MYZAP: variants seen among roughly 807,000 people sequenced by gnomAD.
MYZAP encodes the protein GRINL1A complex locus upstream.
In MYZAP, 66 loss-of-function variants were observed where a neutral mutation model predicts 69.4. The observed-to-expected ratio is 0.95, with a 90% CI of 0.78 to 1.17. MYZAP has a LOEUF of 1.17. MYZAP is among the 50% of genes most tolerant of loss of function. MYZAP has a pLI of 0.00. For synonymous variants in MYZAP, 256 were observed against 205.9 expected (o/e 1.24, Z -2.09); for missense variants, 611 against 556.2 (o/e 1.10, Z -0.99).
At chr15:57,624,019 T>C (rs1449828581) in intron 4 of MYZAP, among the ~76,000 whole-genome samples, 2 of 152,176 alleles carry the variant, frequency 1.3e-5, no homozygotes, top group Non-Finnish European at 2.9e-5. Context: ...CTGTTTCTAA[T>C]TGGGAGGCAG....
intron 12 of MYZAP, among the ~76,000 whole-genome samples, chr15:57,677,748 G>C (rs2140648426): frequency 6.6e-6 from 1 of 152,282 alleles, no homozygotes; most frequent in Non-Finnish European, 1.5e-5. Context: ...GGAGGCTCAG[G>C]CTGTCCAGTT....
At chr15:57,637,629 C>T in intron 8 of MYZAP, 66 bp from the exon 9 acceptor site, 1 of 1,559,202 alleles carries the variant, frequency 6.4e-7, no homozygotes, top group Non-Finnish European at 8.7e-7. Context: ...GCTAGAATTG[C>T]TAAATAGACA....
In MYZAP at chr15:57,633,645, A is replaced by G. The variant is rs948560675; in HGVS notation, c.837A>G (p.Glu279=). The change falls in exon 8 of 13, where the codon GAA becomes GAG. Residue 279 remains glutamate, a synonymous_variant. Coordinates refer to ENST00000267853, the MANE Select transcript of MYZAP (RefSeq NM_001018100.5). ...CCAATAGTTTTCTGAAAGCGATTGA[A>G]GAAGCCAATAAAAAGATGCAAGCAG... ...EETNSFLKAI[E]EANKKMQAAE... 1 of 1,613,454 alleles carries G rather than the reference A, an allele frequency of 6.2e-7. No individual in the cohort carries two copies. Among genetic ancestry groups the G allele is most frequent in the South Asian group, 1.1e-5 (1 of 90,832 alleles).
Position 57,661,466 on chromosome 15 carries a change from A to C in MYZAP, c.1136A>C (p.Lys379Thr). The C allele has an allele frequency of 6.2e-7, 1 of 1,608,358 alleles. No homozygotes were observed. Among genetic ancestry groups the C allele is most frequent in the African/African-American group, 1.3e-5 (1 of 74,830 alleles). Residue 379 changes from lysine (K) to threonine (T), a missense_variant, in exon 11 of 13, where the codon AAA becomes ACA. Coordinates refer to ENST00000267853, the MANE Select transcript of MYZAP (RefSeq NM_001018100.5). Reference sequence around the variant, plus strand: ...TCTTTCTAGATTGAATCATTAAAGAAAAAGTTGCAACAGAAACAGCTCTTA... The same window carrying C: ...TCTTTCTAGATTGAATCATTAAAGACAAAGTTGCAACAGAAACAGCTCTTA... ...QMVEEIESLK[K>T]KLQQKQLLIL...
intron 12 of MYZAP, among the ~76,000 whole-genome samples, chr15:57,675,416 G>C (rs1351629969): frequency 6.6e-6 from 1 of 152,096 alleles, no homozygotes; most frequent in Non-Finnish European, 1.5e-5. Context: ...GTGAGATTTG[G>C]TTCCTGCCCC....
At chr15:57,647,738 TGGCCCTGGCCCTGGGTCCTA>T in intron 10 of MYZAP, 1 of 985,442 alleles carries the variant, frequency 1.0e-6, no homozygotes, top group African/African-American at 1.7e-5. Flanking sequence ...CTCCTGCACT[TGGCCCTGGCCCTGGGTCCTA>T]GGCTCATTGT....
intron 11 of MYZAP, among the ~76,000 whole-genome samples, chr15:57,674,134 G>A (rs1301746573): frequency 6.6e-6 from 1 of 151,180 alleles, no homozygotes; most frequent in East Asian, 1.9e-4. Context: ...ACTTCTTTCT[G>A]AATATTTTTT....
At chr15:57,626,296 C>G (rs2036129802) in intron 5 of MYZAP, among the ~76,000 whole-genome samples, 3 of 152,092 alleles carry the variant, frequency 2.0e-5, no homozygotes, top group South Asian at 2.1e-4. Flanking sequence ...TCCTTCATGG[C>G]AAGCAATATA....
chr15:57,592,055 G>A lies in MYZAP; in HGVS notation c.21G>A (p.Thr7=). The A allele has an allele frequency of 7.0e-7, 1 of 1,423,234 alleles. No homozygotes were observed. 88.2% of individuals were successfully genotyped at this position (1,423,234 alleles called of 1,614,324 possible). A position where few individuals can be genotyped will look rare whatever the true frequency, so the allele number is the denominator to read the frequency against. ...GCGGGATGCTGCGCTCCACGTCCAC[G>A]GTCACCCTGCTCTCGGGCGGCGCCG... MLRSTS[T]VTLLSGGAAR... The change falls in exon 1 of 13, where the codon ACG becomes ACA. Residue 7 remains threonine, a synonymous_variant. Transcript: ENST00000267853.
chr15:57,681,030 C>T (rs2039407850), intron 12 of MYZAP, among the ~76,000 whole-genome samples: 1 of 152,152 alleles, frequency 6.6e-6, no homozygotes, highest in South Asian at 2.1e-4. Context: ...TAGTGATCAA[C>T]AAAATAAAAT....
chr15:57,618,974 G>T (rs954956072), intron 3 of MYZAP, among the ~76,000 whole-genome samples: 5 of 152,112 alleles, frequency 3.3e-5, no homozygotes, highest in East Asian at 1.9e-4. Context: ...GTCAACCTAG[G>T]CCTGTGAGCT....
chr15:57,638,570 TG>T (rs1171602007), intron 9 of MYZAP, among the ~76,000 whole-genome samples: 1 of 152,160 alleles, frequency 6.6e-6, no homozygotes, highest in African/African-American at 2.4e-5. Flanking sequence ...GAGGCAGAGA[TG>T]GGGCACGGGA....
intron 1 of MYZAP, chr15:57,599,372 T>G: frequency 1.5e-6 from 1 of 675,644 alleles, no homozygotes; most frequent in Non-Finnish European, 1.8e-6. Flanking sequence ...TTTTTTGCCA[T>G]CGTCGTACCC....
intron 10 of MYZAP, among the ~76,000 whole-genome samples, chr15:57,643,479 T>C (rs1286566481): frequency 6.6e-6 from 1 of 152,186 alleles, no homozygotes; most frequent in Admixed American, 6.5e-5. Context: ...TAAGAGAGCA[T>C]CCTGAGGCCC....
intron 11 of MYZAP, among the ~76,000 whole-genome samples, chr15:57,668,915 G>T (rs1861679437): frequency 6.9e-6 from 1 of 144,350 alleles, no homozygotes; most frequent in Admixed American, 6.9e-5. Flanking sequence ...TTTGCAATGG[G>T]GTCTTGCACA....
chr15:57,626,368 A>C (rs2036135338), intron 5 of MYZAP, among the ~76,000 whole-genome samples: 1 of 152,228 alleles, frequency 6.6e-6, no homozygotes, highest in Non-Finnish European at 1.5e-5. Context: ...AGAATCATGG[A>C]TATTCCACGT....
At chr15:57,632,721 C>G (rs994858456) in intron 7 of MYZAP, among the ~76,000 whole-genome samples, 162 bp downstream of exon 7, 2 of 152,186 alleles carry the variant, frequency 1.3e-5, no homozygotes, top group African/African-American at 2.4e-5. Context: ...CTCCCCTCCC[C>G]TCTTCCCCTC....
intron 1 of MYZAP, 93 bp downstream of exon 1, chr15:57,592,202 A>G: frequency 8.8e-7 from 1 of 1,141,592 alleles, no homozygotes; most frequent in Non-Finnish European, 1.1e-6. Context: ...CTCGGGAGCC[A>G]GCACCTGGCC....
chr15:57,660,880 T>A (rs1328578066), intron 10 of MYZAP, among the ~76,000 whole-genome samples: 1 of 152,192 alleles, frequency 6.6e-6, no homozygotes, highest in East Asian at 1.9e-4. Context: ...CCTTTCTTGC[T>A]TACTCCAGGC....
Sources: allele counts gnomAD v4.1 joint callset (sites outside exome capture counted in the v4.1 genomes callset), GRCh38; gene constraint gnomAD v4.1.1; transcripts MANE v1.5; gene names NCBI Gene and HGNC (gene_info 2026-07-23, HGNC 2026-07-21).